The following TNN variants were observed in gnomAD, a reference collection of about 807,000 sequenced individuals.
TNN encodes tenascin N.
In TNN, 122 loss-of-function variants were observed where a neutral mutation model predicts 134.4. The ratio of observed to expected loss-of-function variants is 0.91; its 90% CI spans 0.78 to 1.06. The LOEUF (loss-of-function observed/expected upper bound fraction) is 1.06, where lower values mean the gene tolerates loss of function less well. Ranked by LOEUF, TNN falls within the 50% of genes least tolerant of loss-of-function variation. The pLI, the probability that TNN is intolerant of heterozygous loss-of-function variation, is 0.00. For missense variants in TNN, 1,739 were observed against 1,699.4 expected, an observed-to-expected ratio of 1.02 and a Z score of -0.41; for synonymous variants, 710 against 670.3, an observed-to-expected ratio of 1.06 and a Z score of -0.91.
chr1:175,080,224 G>A lies in TNN; in HGVS notation c.846G>A (p.Trp282Ter), dbSNP rs1450670761. ...CGGAGGATTCTCTGCTGGTGAGCTG[G>A]GAGCCCTCCAGCCAGGTGGATCACT... Reference protein sequence around the residue: ...KNTEDSLLVSWEPSSQVDHYL... With the variant: ...KNTEDSLLVS The change falls in exon 4 of 19, where the codon TGG becomes TGA. Residue 282 changes from tryptophan to a stop codon, truncating the protein, a stop_gained. Transcript: ENST00000239462. LOFTEE classifies it high-confidence loss of function. The A allele has an allele frequency of 6.2e-7, 1 of 1,614,058 alleles. No individual in the cohort carries two copies. Among genetic ancestry groups the A allele is most frequent in the South Asian group, 1.1e-5 (1 of 91,076 alleles).
chr1:175,120,119 A>G (rs1260361355), intron 11 of TNN, among the ~76,000 whole-genome samples: 1 of 152,244 alleles, frequency 6.6e-6, no homozygotes, highest in Non-Finnish European at 1.5e-5. Context: ...AGGAGCAAGT[A>G]TTCACCTGGG....
At position 175,118,992 on chromosome 1, in the gene TNN, G is replaced by C. The variant is rs116417034; in HGVS notation, c.2650+168G>C. ...AAAACAAAAACAAAAAACAAACAAAGAAACAAAAAACTTTCATTCACCCAA... is the reference window on the plus strand; with the variant it reads ...AAAACAAAAACAAAAAACAAACAAACAAACAAAAAACTTTCATTCACCCAA... On this transcript the variant is annotated intron_variant, in intron 11 of 18. Transcript: ENST00000239462. 8.5e-5 allele frequency among the ~76,000 whole-genome samples: 13 copies of C among 152,120 alleles called. 1 individual carries two copies. The highest frequency in any genetic ancestry group is 8.5e-4 in the Admixed American group (13 of 15,278).
chr1:175,070,201 G>C (rs1219171156), intron 1 of TNN, among the ~76,000 whole-genome samples: 2 of 152,248 alleles, frequency 1.3e-5, no homozygotes, highest in Non-Finnish European at 2.9e-5. Flanking sequence ...TGATGTCCAA[G>C]AGGAGATTTT....
intron 18 of TNN, among the ~76,000 whole-genome samples, chr1:175,145,830 C>T (rs1042463637): frequency 6.6e-6 from 1 of 152,012 alleles, no homozygotes; most frequent in African/African-American, 2.4e-5. Flanking sequence ...AGCTGCGGGG[C>T]ACTTCCCACC....
Position 175,097,654 on chromosome 1 carries a change from G to A in TNN, c.1826G>A (p.Ser609Asn), listed in dbSNP as rs544011186. ...TGGGCCCAGAAGGGGGACCGAGAGA[G>A]CAAGAAGGCTGACACCAACGCCCCG... The part of the protein sequence containing the change: ...HVWAQKGDRE[S>N]KKADTNAPTD... The change falls in exon 8 of 19, where the codon AGC (serine) becomes AAC (asparagine). Residue 609 changes from serine (S) to asparagine (N), a missense_variant. By Grantham distance (46) the Ser-to-Asn change is conservative (BLOSUM62 1). Coordinates refer to ENST00000239462, the MANE Select transcript of TNN (RefSeq NM_022093.2). 1.2e-6 allele frequency: 2 copies of A among 1,614,190 alleles called. No individual in the cohort carries two copies. Among genetic ancestry groups the A allele is most frequent in the Admixed American group, 3.3e-5 (2 of 60,012 alleles).
rs185637838 is a variant in TNN, at chr1:175,147,496, C to T, written c.*425C>T. The T allele has an allele frequency of 3.8e-4, 59 of 154,610 alleles. No homozygotes were observed. In the East Asian group the frequency reaches 6.4e-3, roughly 17 times the overall value. The allele number at this position is 154,610 out of a possible 1,614,324, so 9.6% of individuals were successfully genotyped here. Reference sequence around the variant, plus strand: ...AGTTCTGATGACCCAGGGGTTAGGGCTGAGACAACCGGACGTTTGTCACCT... The same window carrying T: ...AGTTCTGATGACCCAGGGGTTAGGGTTGAGACAACCGGACGTTTGTCACCT... On this transcript the variant is annotated 3_prime_UTR_variant, in exon 19 of 19. Transcript: ENST00000239462.
intron 6 of TNN, among the ~76,000 whole-genome samples, chr1:175,090,545 ATT>A (rs1257607017): frequency 6.6e-6 from 1 of 152,164 alleles, no homozygotes; most frequent in South Asian, 2.1e-4. Context: ...ACAGGTGGAA[ATT>A]GTGAGTGGAG....
At chr1:175,096,861 C>T (rs1382633559) in intron 7 of TNN, among the ~76,000 whole-genome samples, 1 of 152,154 alleles carries the variant, frequency 6.6e-6, no homozygotes, top group African/African-American at 2.4e-5. Context: ...CCACTTTAAT[C>T]ACAGAGAAAC....
chr1:175,107,985 TAC>T (rs1169614861), intron 9 of TNN, among the ~76,000 whole-genome samples: 3 of 142,852 alleles, frequency 2.1e-5, no homozygotes, highest in African/African-American at 8.2e-5. Context: ...AGCAGCTAGA[TAC>T]ACAGTGTCGA....
chr1:175,085,649 C>A (rs775119343), intron 6 of TNN, among the ~76,000 whole-genome samples, 155 bp downstream of exon 6: 3 of 152,020 alleles, frequency 2.0e-5, no homozygotes, highest in South Asian at 2.1e-4. Context: ...CCAAGGCAGG[C>A]GGATCACCTG....
intron 11 of TNN, 103 bp from the exon 12 acceptor site, chr1:175,123,297 A>G: frequency 3.0e-6 from 4 of 1,340,960 alleles, no homozygotes; most frequent in East Asian, 2.3e-5. Flanking sequence ...GAATTCTACC[A>G]TTATTAATGA....
At chr1:175,114,095 C>T (rs1393747637) in intron 9 of TNN, among the ~76,000 whole-genome samples, 1 of 151,902 alleles carries the variant, frequency 6.6e-6, no homozygotes, top group African/African-American at 2.4e-5. Context: ...TTATTATGTT[C>T]CTTTGGTGGT....
At chr1:175,131,986 A>G (rs945739761) in intron 15 of TNN, among the ~76,000 whole-genome samples, 18 of 151,172 alleles carry the variant, frequency 1.2e-4, no homozygotes, top group African/African-American at 4.2e-4. Context: ...AAGCTTGGGC[A>G]CTGGGTTCAC....
At chr1:175,102,080 T>A (rs1246835330) in intron 9 of TNN, among the ~76,000 whole-genome samples, 2 of 141,770 alleles carry the variant, frequency 1.4e-5, no homozygotes, top group Non-Finnish European at 1.6e-5. Context: ...ATAAAAGTTC[T>A]CCAAGGCCCC....
chr1:175,083,887 G>A lies in TNN; in HGVS notation c.1186G>A (p.Val396Ile). ...GPMTGQEVAE[V>I]TVPKSSDPKS... is the part of the protein sequence containing the mutation. ...CATGACAGGACAGGAGGTAGCTGAGGTCACTGTGCCCAAGAGCAGTGACCC... is the reference window on the plus strand; with the variant it reads ...CATGACAGGACAGGAGGTAGCTGAGATCACTGTGCCCAAGAGCAGTGACCC... Residue 396 changes from valine (V) to isoleucine (I), a missense_variant, in exon 5 of 19, where the codon GTC (valine) becomes ATC (isoleucine). Coordinates refer to ENST00000239462, the MANE Select transcript of TNN (RefSeq NM_022093.2). 1 of 1,614,136 alleles carries A rather than the reference G, an allele frequency of 6.2e-7. No homozygotes were observed. Among genetic ancestry groups the A allele is most frequent in the Non-Finnish European group, 8.5e-7 (1 of 1,180,026 alleles).
At chr1:175,083,084 T>A (rs145076047) in intron 4 of TNN, among the ~76,000 whole-genome samples, 2 of 152,078 alleles carry the variant, frequency 1.3e-5, no homozygotes, top group African/African-American at 4.8e-5. Flanking sequence ...GACAGACAGA[T>A]TGGGCAGCAT....
chr1:175,135,651 G>A (rs1188592890), intron 15 of TNN, among the ~76,000 whole-genome samples, 194 bp from the exon 16 acceptor site: 1 of 152,132 alleles, frequency 6.6e-6, no homozygotes, highest in Non-Finnish European at 1.5e-5. Flanking sequence ...TTAGTACCTG[G>A]CATACTACGG....
At chr1:175,117,765 A>C (rs1236800345) in intron 10 of TNN, among the ~76,000 whole-genome samples, 4 of 152,180 alleles carry the variant, frequency 2.6e-5, no homozygotes, top group Non-Finnish European at 4.4e-5. Flanking sequence ...TAGTAATAGG[A>C]TACACATGGC....
At chr1:175,125,745 C>G (rs144434447) in intron 12 of TNN, among the ~76,000 whole-genome samples, 10 of 133,388 alleles carry the variant, frequency 7.5e-5, no homozygotes, top group African/African-American at 2.9e-4. Context: ...TTCTTTCTTT[C>G]TTTCTTTCTT....
Sources: gnomAD v4.1 joint callset for allele counts (sites outside exome capture counted in the v4.1 genomes callset) on GRCh38, gnomAD v4.1.1 for gene constraint, MANE v1.5 for transcripts, NCBI Gene and HGNC (gene_info 2026-07-23, HGNC 2026-07-21) for gene names.